CPED1: variants seen among roughly 807,000 people sequenced by gnomAD.
CPED1 encodes the protein cadherin like and PC-esterase domain containing 1.
In CPED1, 114 loss-of-function variants were observed where a neutral mutation model predicts 128.2. That is an observed-to-expected ratio of 0.89 (90% CI 0.76 to 1.04). The LOEUF is 1.04. CPED1 is among the 50% of genes least tolerant of loss of function. The pLI, the probability that CPED1 is intolerant of heterozygous loss-of-function variation, is 0.00. For synonymous variants in CPED1, 462 were observed against 426.7 expected, an observed-to-expected ratio of 1.08 and a Z score of -1.02; for missense variants, 1,211 against 1,207.1, an observed-to-expected ratio of 1.00 and a Z score of -0.05.
chr7:121,274,906 C>G (rs1416573099), intron 22 of CPED1, among the ~76,000 whole-genome samples: 1 of 152,030 alleles, frequency 6.6e-6, no homozygotes, highest in African/African-American at 2.4e-5. Context: ...AGTTAAAGGG[C>G]AAAAATTCTG....
At chr7:121,034,458 G>A (rs1353460811) in intron 3 of CPED1, among the ~76,000 whole-genome samples, 1 of 151,830 alleles carries the variant, frequency 6.6e-6, no homozygotes, top group African/African-American at 2.4e-5. Context: ...ATGTTGGCCA[G>A]GCTGTTCTCA....
At chr7:121,291,707 T>G (rs1038570557) in intron 22 of CPED1, among the ~76,000 whole-genome samples, 5 of 152,190 alleles carry the variant, frequency 3.3e-5, no homozygotes, top group African/African-American at 1.2e-4. Context: ...TGGGCTGAGA[T>G]GATGGGGTTT....
chr7:121,275,760 A>G (rs546284026), intron 22 of CPED1, among the ~76,000 whole-genome samples: 1 of 152,212 alleles, frequency 6.6e-6, no homozygotes, highest in Admixed American at 6.5e-5. Flanking sequence ...TTTGTCAGAG[A>G]TGGTTTTCCA....
In CPED1 at chr7:121,158,126, A is replaced by G. The variant is rs542911827; in HGVS notation, c.2055+15985A>G. On this transcript the variant is annotated intron_variant, in intron 16 of 22. Coordinates refer to ENST00000310396, the MANE Select transcript of CPED1 (RefSeq NM_024913.5). ...GTAATCTGCAAATGTTCAATAGCCAATCAGCAAATAGGAAGTAATTATTGG... is the reference window on the plus strand; with the variant it reads ...GTAATCTGCAAATGTTCAATAGCCAGTCAGCAAATAGGAAGTAATTATTGG... Among the ~76,000 whole-genome samples, 36 of 152,342 alleles carry G rather than the reference A, an allele frequency of 2.4e-4. 1 individual carries two copies. Among genetic ancestry groups the G allele is most frequent in the African/African-American group, 7.2e-4 (30 of 41,576 alleles).
intron 18 of CPED1, among the ~76,000 whole-genome samples, chr7:121,256,509 C>T (rs1053955755): frequency 3.3e-5 from 5 of 151,910 alleles, no homozygotes; most frequent in East Asian, 1.9e-4. Context: ...GATACCATTT[C>T]ATACCAGTCA....
At position 121,247,599 on chromosome 7, in the gene CPED1, C is replaced by T. The variant is rs559463404; in HGVS notation, c.2310+3261C>T. Among the ~76,000 whole-genome samples, 18 of 152,196 alleles carry T rather than the reference C, an allele frequency of 1.2e-4. No individual in the cohort carries two copies. In the East Asian group the frequency reaches 1.9e-3, roughly 16 times the overall value. On this transcript the variant is annotated intron_variant, in intron 18 of 22. Transcript: ENST00000310396. ...CTAGTTCCCAGCCCTGAATGGGTCC[C>T]GGGGAATAGATGAGTGAAGGAACTG... is the stretch of plus-strand genomic sequence containing the variant.
At chr7:121,003,043 G>T (rs995564710) in intron 2 of CPED1, among the ~76,000 whole-genome samples, 2 of 152,102 alleles carry the variant, frequency 1.3e-5, no homozygotes, top group Non-Finnish European at 2.9e-5. Flanking sequence ...ATAATATGTC[G>T]AATGAATGGA....
intron 2 of CPED1, among the ~76,000 whole-genome samples, chr7:121,009,333 G>C (rs1282778419): frequency 1.3e-5 from 2 of 152,198 alleles, no homozygotes; most frequent in Non-Finnish European, 2.9e-5. Flanking sequence ...GCTGGCCACA[G>C]TGGCTCATGC....
Position 120,995,872 on chromosome 7 carries a change from C to CTCT in CPED1, c.249+6026_249+6028dup, listed in dbSNP as rs374861407. 4.2e-3 allele frequency among the ~76,000 whole-genome samples: 629 copies of CTCT among 151,214 alleles called. 7 individuals carry two copies. The highest frequency in any genetic ancestry group is 8.5e-3 in the African/African-American group (351 of 41,132). On this transcript the variant is annotated intron_variant, in intron 2 of 22. Coordinates refer to ENST00000310396, the MANE Select transcript of CPED1 (RefSeq NM_024913.5). ...TCTTCAGTTTTTTTTATTCTTCTTC[C>CTCT]TCTTCTTCTTCTTCTTCTTCTTCTT...
intron 7 of CPED1, among the ~76,000 whole-genome samples, chr7:121,107,797 T>G (rs1223198443): frequency 6.6e-6 from 1 of 152,110 alleles, no homozygotes; most frequent in Non-Finnish European, 1.5e-5. Context: ...AGATTTTTAT[T>G]AACAATATCC....
At chr7:121,102,753 G>A (rs1051608077) in intron 7 of CPED1, among the ~76,000 whole-genome samples, 2 of 152,066 alleles carry the variant, frequency 1.3e-5, no homozygotes, top group Non-Finnish European at 2.9e-5. Flanking sequence ...GGAGGAAAAC[G>A]AAAATATTTT....
chr7:121,141,807 A>G (rs1243790011), intron 15 of CPED1, among the ~76,000 whole-genome samples, 166 bp from the exon 16 acceptor site: 1 of 152,124 alleles, frequency 6.6e-6, no homozygotes, highest in Non-Finnish European at 1.5e-5. Flanking sequence ...GTACTGTGAA[A>G]GAGATATTTA....
chr7:121,283,200 G>A (rs1792496743), intron 22 of CPED1, among the ~76,000 whole-genome samples: 1 of 152,152 alleles, frequency 6.6e-6, no homozygotes, highest in Non-Finnish European at 1.5e-5. Flanking sequence ...ATGGTCACTG[G>A]ATTTATGTAA....
intron 2 of CPED1, chr7:120,993,963 C>T: frequency 3.0e-6 from 1 of 330,402 alleles, no homozygotes; most frequent in Non-Finnish European, 6.4e-6. Context: ...GGGGGTCGTC[C>T]TGCAGGTGCA....
intron 6 of CPED1, among the ~76,000 whole-genome samples, 158 bp from the exon 7 acceptor site, chr7:121,099,768 A>G (rs1183775479): frequency 6.6e-6 from 1 of 152,164 alleles, no homozygotes; most frequent in Non-Finnish European, 1.5e-5. Context: ...CCTGGTGGTG[A>G]TGCTAATAAG....
intron 12 of CPED1, among the ~76,000 whole-genome samples, chr7:121,132,292 A>G (rs959502369): frequency 2.6e-5 from 4 of 152,034 alleles, no homozygotes; most frequent in Admixed American, 6.6e-5. Context: ...CTTCTCACCA[A>G]TGGTCCAGTG....
chr7:121,175,940 T>A (rs950781142), intron 16 of CPED1, among the ~76,000 whole-genome samples: 2 of 151,904 alleles, frequency 1.3e-5, no homozygotes, highest in African/African-American at 4.8e-5. Flanking sequence ...ATGGTTCATC[T>A]TTTTTTCAGA....
chr7:121,137,942 T>G (rs1795820122), intron 14 of CPED1, among the ~76,000 whole-genome samples: 1 of 152,086 alleles, frequency 6.6e-6, no homozygotes, highest in Non-Finnish European at 1.5e-5. Flanking sequence ...ATGAAAGGAT[T>G]GCATTGGATG....
At chr7:121,291,475 T>C (rs1184680067) in intron 22 of CPED1, among the ~76,000 whole-genome samples, 1 of 152,244 alleles carries the variant, frequency 6.6e-6, no homozygotes, top group Admixed American at 6.5e-5. Context: ...TCTTATTTCC[T>C]TGGGCAGTGG....
Sources: allele counts gnomAD v4.1 joint callset (sites outside exome capture counted in the v4.1 genomes callset), GRCh38; gene constraint gnomAD v4.1.1; transcripts MANE v1.5; gene names NCBI Gene and HGNC (gene_info 2026-07-23, HGNC 2026-07-21).